Variants in GLDN observed in about 807,000 individuals in gnomAD.
GLDN encodes the protein collomin.
Under a neutral mutation model 56.5 loss-of-function variants are expected in GLDN, and 47 were observed. The ratio of observed to expected loss-of-function variants is 0.83; its 90% CI spans 0.66 to 1.06. The LOEUF (loss-of-function observed/expected upper bound fraction) is 1.06, where lower values mean the gene tolerates loss of function less well. GLDN is among the 50% of genes least tolerant of loss of function. The pLI is 0.00. For missense variants in GLDN, 782 were observed against 714.3 expected, an observed-to-expected ratio of 1.09 and a Z score of -1.08; for synonymous variants, 332 against 278.8, an observed-to-expected ratio of 1.19 and a Z score of -1.90.
chr15:51,362,691 T>C (rs2037325245), intron 1 of GLDN, among the ~76,000 whole-genome samples: 1 of 152,216 alleles, frequency 6.6e-6, no homozygotes, highest in African/African-American at 2.4e-5. Flanking sequence ...GACTTCTCAA[T>C]GATGAGAATC....
chr15:51,403,721 G>T (rs1419745811), intron 9 of GLDN, among the ~76,000 whole-genome samples: 1 of 152,156 alleles, frequency 6.6e-6, no homozygotes, highest in Non-Finnish European at 1.5e-5. Context: ...AACTTAGCAG[G>T]CTGTGAAACT....
intron 1 of GLDN, among the ~76,000 whole-genome samples, chr15:51,355,583 G>T (rs1208716047): frequency 1.3e-5 from 2 of 149,510 alleles, no homozygotes; most frequent in African/African-American, 4.9e-5. Flanking sequence ...GAGTCCAGTG[G>T]CATGATTTCG....
intron 8 of GLDN, 69 bp from the exon 9 acceptor site, chr15:51,401,524 C>T (rs1293845595): frequency 6.9e-7 from 1 of 1,452,132 alleles, no homozygotes; most frequent in Non-Finnish European, 9.5e-7. Flanking sequence ...AAATTCCTCC[C>T]AAGGACTCCC....
chr15:51,347,204 C>A (rs530732094), intron 1 of GLDN, among the ~76,000 whole-genome samples: 3 of 151,620 alleles, frequency 2.0e-5, no homozygotes, highest in Non-Finnish European at 4.4e-5. Flanking sequence ...GAGAATCCAA[C>A]AGGAAAATGA....
intron 1 of GLDN, among the ~76,000 whole-genome samples, chr15:51,354,754 G>A (rs1391610051): frequency 6.6e-6 from 1 of 152,202 alleles, no homozygotes; most frequent in Non-Finnish European, 1.5e-5. Flanking sequence ...GAGAAATTGA[G>A]AATGAACCTA....
chr15:51,360,734 T>C (rs540849632), intron 1 of GLDN, among the ~76,000 whole-genome samples: 2 of 152,336 alleles, frequency 1.3e-5, no homozygotes, highest in East Asian at 1.9e-4. Flanking sequence ...CACATGCCTT[T>C]CTTATCATGC....
chr15:51,383,657 G>A (rs2037819080), intron 3 of GLDN, 128 bp from the exon 4 acceptor site: 2 of 947,554 alleles, frequency 2.1e-6, no homozygotes, highest in Admixed American at 2.7e-5. Context: ...AAGGAAAGAA[G>A]TGGGAAAGGA....
intron 2 of GLDN, among the ~76,000 whole-genome samples, 174 bp from the exon 3 acceptor site, chr15:51,383,262 T>A (rs556724016): frequency 6.6e-6 from 1 of 152,306 alleles, no homozygotes; most frequent in East Asian, 1.9e-4. Context: ...GGCAAATGGG[T>A]CTTTGTTGAA....
Position 51,401,734 on chromosome 15 carries a change from C to G in GLDN, c.1169C>G (p.Thr390Ser). 1 of 1,613,486 alleles carries G rather than the reference C, an allele frequency of 6.2e-7. No individual in the cohort carries two copies. The highest frequency in any genetic ancestry group is 1.1e-5 in the South Asian group (1 of 90,946). Residue 390 changes from threonine (T) to serine (S), a missense_variant, in exon 9 of 10, where the codon ACC becomes AGC. Transcript: ENST00000335449. ...TACTACCACAAAGGGGGTTCTAATA[C>G]CCTAGTGAGGTAAGTCGCACCACAG... The part of the protein sequence containing the change: ...SLYYHKGGSN[T>S]LVRFEFGQET...
rs762013122 is a variant in GLDN, at chr15:51,342,002, C to G, written c.318C>G (p.Ala106=). 1.9e-5 allele frequency: 30 copies of G among 1,597,650 alleles called. No homozygotes were observed. Among genetic ancestry groups the G allele is most frequent in the South Asian group, 4.4e-5 (4 of 91,044 alleles). Residue 106 remains alanine, a synonymous_variant, in exon 1 of 10, where the codon GCC becomes GCG. Coordinates refer to ENST00000335449, the MANE Select transcript of GLDN (RefSeq NM_181789.4). ...GCGAGCCCGCGCCGCATATCCGCGC[C>G]GAGAGCCATGACATGCTGATGATGA... The part of the protein sequence containing the change: ...HSGEPAPHIR[A]ESHDMLMMMT...
downstream of GLDN, among the ~76,000 whole-genome samples, chr15:51,412,192 G>A (rs766687375): frequency 5.9e-5 from 9 of 152,120 alleles, no homozygotes; most frequent in African/African-American, 1.2e-4. Flanking sequence ...ACCCACTGTC[G>A]CTCAGTTTGT....
chr15:51,357,710 C>G (rs973757110), intron 1 of GLDN, among the ~76,000 whole-genome samples: 3 of 152,208 alleles, frequency 2.0e-5, no homozygotes, highest in African/African-American at 7.2e-5. Context: ...ATGGCACAGC[C>G]AGAAGCCTCT....
At chr15:51,383,292 G>T (rs1287633064) in intron 2 of GLDN, 144 bp from the exon 3 acceptor site, 2 of 864,498 alleles carry the variant, frequency 2.3e-6, no homozygotes, top group South Asian at 1.7e-5. Flanking sequence ...AGGGTCTTTT[G>T]GCCAAATATA....
intron 1 of GLDN, among the ~76,000 whole-genome samples, chr15:51,345,632 C>G (rs753763261): frequency 6.6e-6 from 1 of 152,192 alleles, no homozygotes; most frequent in Non-Finnish European, 1.5e-5. Flanking sequence ...GTCTCACCCC[C>G]AAAACTATAG....
intron 1 of GLDN, among the ~76,000 whole-genome samples, chr15:51,354,507 T>C (rs894658997): frequency 3.9e-5 from 6 of 152,110 alleles, no homozygotes; most frequent in Admixed American, 1.3e-4. Context: ...AAGTCCTCAC[T>C]AAGGAAATTG....
chr15:51,405,987 C>A lies in GLDN; in HGVS notation c.*1233C>A, dbSNP rs2038372688. 6.6e-6 allele frequency: 1 copy of A among 152,160 alleles called. No homozygotes were observed. Among genetic ancestry groups the A allele is most frequent in the Admixed American group, 6.5e-5 (1 of 15,280 alleles). The allele number at this position is 152,160 out of a possible 1,614,324, so 9.4% of individuals were successfully genotyped here. On this transcript the variant is annotated 3_prime_UTR_variant, in exon 10 of 10. Transcript: ENST00000335449. ...CCTTTATGGAAAAAGATTGCTGACT[C>A]CTGATAAAGAATATAAAGTGAGCCT...
At chr15:51,343,356 GA>G (rs11404884) in intron 1 of GLDN, among the ~76,000 whole-genome samples, 2 of 151,920 alleles carry the variant, frequency 1.3e-5, no homozygotes, top group African/African-American at 2.4e-5. Context: ...GCTATAAGAT[GA>G]AAAAAACCTC....
chr15:51,410,656 C>T (rs186279492), downstream of GLDN, among the ~76,000 whole-genome samples: 130 of 152,292 alleles, frequency 8.5e-4, 3 homozygotes, highest in South Asian at 8.9e-3. Context: ...TCCCAGGGAA[C>T]CCAACCTGTT....
chr15:51,361,191 C>T (rs1566938049), intron 1 of GLDN, among the ~76,000 whole-genome samples: 1 of 152,204 alleles, frequency 6.6e-6, no homozygotes. Context: ...CACTTCAAAA[C>T]ACTCATCCCT....
Sources: gnomAD v4.1 joint callset for allele counts (sites outside exome capture counted in the v4.1 genomes callset) on GRCh38, gnomAD v4.1.1 for gene constraint, MANE v1.5 for transcripts, NCBI Gene and HGNC (gene_info 2026-07-23, HGNC 2026-07-21) for gene names.